Variants in NTRK3 observed in about 807,000 individuals in gnomAD.
The protein encoded by NTRK3 is neurotrophic receptor tyrosine kinase 3, also known as NT-3 growth factor receptor.
NTRK3 carries 24 observed loss-of-function variants against 91.7 expected under a neutral mutation model. The observed-to-expected ratio is 0.26, with a 90% confidence interval of 0.19 to 0.37. The LOEUF is 0.37. NTRK3 is among the 10% of genes least tolerant of loss of function. The probability of loss-of-function intolerance (pLI) is 1.00; values close to 1 mark genes in which losing one functional copy is unlikely to be tolerated. For missense variants in NTRK3, 880 were observed against 1,068.9 expected, an observed-to-expected ratio of 0.82 and a Z score of 2.46; for synonymous variants, 483 against 404.0, an observed-to-expected ratio of 1.20 and a Z score of -2.34.
chr15:87,909,083 G>T (rs755856274), intron 17 of NTRK3, among the ~76,000 whole-genome samples: 7 of 152,086 alleles, frequency 4.6e-5, no homozygotes, highest in Non-Finnish European at 1.0e-4. Context: ...ATTCACCACT[G>T]CTTTTAGGGC....
At position 87,974,524 on chromosome 15, in the gene NTRK3, C is replaced by T. The variant is rs148786658; in HGVS notation, c.1586-33771G>A. Among the ~76,000 whole-genome samples, 124 of 151,864 alleles carry T rather than the reference C, an allele frequency of 8.2e-4. 1 individual carries two copies. Among genetic ancestry groups the T allele is most frequent in the African/African-American group, 2.8e-3 (115 of 41,412 alleles). ...CAGGTTGGTCTCATCCTTTCTTCTA[C>T]CACCTTCCTATCTGAAGCTTCTCAC... On this transcript the variant is annotated intron_variant, in intron 14 of 18. Coordinates refer to ENST00000394480, the Ensembl canonical transcript of NTRK3.
intron 14 of NTRK3, among the ~76,000 whole-genome samples, chr15:87,988,737 C>A (rs889773420): frequency 6.6e-6 from 1 of 151,828 alleles, no homozygotes; most frequent in Non-Finnish European, 1.5e-5. Flanking sequence ...TTATGAATAC[C>A]CTTTGATGTT....
chr15:88,039,346 C>T (rs1409843164), intron 13 of NTRK3, among the ~76,000 whole-genome samples: 1 of 152,216 alleles, frequency 6.6e-6, no homozygotes, highest in Non-Finnish European at 1.5e-5. Context: ...CAGAGGTCTG[C>T]ACAGACTCTC....
At chr15:87,953,360 G>T (rs1247060650) in intron 14 of NTRK3, among the ~76,000 whole-genome samples, 1 of 152,216 alleles carries the variant, frequency 6.6e-6, no homozygotes, top group Non-Finnish European at 1.5e-5. Flanking sequence ...CACTTACATG[G>T]ATGGTGCTTT....
intron 3 of NTRK3, among the ~76,000 whole-genome samples, chr15:88,215,035 A>G (rs1316353636): frequency 6.6e-6 from 1 of 152,148 alleles, no homozygotes; most frequent in African/African-American, 2.4e-5. Flanking sequence ...AGATTCAGTG[A>G]TTTGCTCAAA....
At chr15:87,897,686 G>A (rs1212865163) in intron 17 of NTRK3, among the ~76,000 whole-genome samples, 1 of 152,124 alleles carries the variant, frequency 6.6e-6, no homozygotes, top group African/African-American at 2.4e-5. Flanking sequence ...ATCTGACCCT[G>A]CATAGCTCAG....
intron 13 of NTRK3, among the ~76,000 whole-genome samples, chr15:88,045,866 A>C (rs1163293571): frequency 1.3e-5 from 2 of 152,158 alleles, no homozygotes; most frequent in Non-Finnish European, 2.9e-5. Flanking sequence ...TCCTCTTTTT[A>C]TAAGGCCCTC....
At chr15:88,142,426 G>T (rs778643840) in intron 6 of NTRK3, among the ~76,000 whole-genome samples, 2 of 152,256 alleles carry the variant, frequency 1.3e-5, no homozygotes, top group Admixed American at 6.5e-5. Context: ...AGCCCCATCT[G>T]AGTTTGTAAG....
intron 13 of NTRK3, among the ~76,000 whole-genome samples, chr15:88,061,805 G>A (rs1379034691): frequency 6.6e-6 from 1 of 152,176 alleles, no homozygotes; most frequent in Non-Finnish European, 1.5e-5. Context: ...ATGCCAGTCT[G>A]TGGAGGCACT....
Position 87,868,198 on chromosome 15 carries a change from TATC to T in NTRK3, c.*8734_*8736del, listed in dbSNP as rs146135769. ...GCGCATATATGTACACACGAATAAG[TATC>T]ATAACATAAATAATTAAAAACGTGA... On this transcript the variant is annotated 3_prime_UTR_variant, in exon 19 of 19. Transcript: ENST00000394480. 2,034 of 230,760 alleles carry T rather than the reference TATC, an allele frequency of 8.8e-3. 9 individuals carry two copies. Among genetic ancestry groups the T allele is most frequent in the Non-Finnish European group, 0.014 (1,627 of 116,466 alleles). The allele number at this position is 230,760 out of a possible 1,614,324, so 14.3% of individuals were successfully genotyped here. A position where few individuals can be genotyped will look rare whatever the true frequency, so the allele number is the denominator to read the frequency against.
intron 13 of NTRK3, among the ~76,000 whole-genome samples, chr15:88,104,016 T>G (rs911456970): frequency 6.6e-6 from 1 of 152,230 alleles, no homozygotes; most frequent in African/African-American, 2.4e-5. Flanking sequence ...CTAGCATTCT[T>G]GCTATAAGGG....
chr15:87,927,786 GA>G (rs779881602), intron 17 of NTRK3: 4 of 152,088 alleles, frequency 2.6e-5, no homozygotes, highest in Non-Finnish European at 4.4e-5. Flanking sequence ...CTTGATCTTG[GA>G]ATTCCCATCC....
intron 5 of NTRK3, among the ~76,000 whole-genome samples, chr15:88,162,453 G>A (rs1459820131): frequency 1.3e-5 from 2 of 152,280 alleles, no homozygotes; most frequent in Non-Finnish European, 2.9e-5. Flanking sequence ...ATGAACGGGG[G>A]ATCAGCCAGC....
intron 14 of NTRK3, among the ~76,000 whole-genome samples, chr15:87,941,119 G>A (rs928256515): frequency 6.6e-6 from 1 of 152,090 alleles, no homozygotes; most frequent in Non-Finnish European, 1.5e-5. Context: ...TGGGAATCTT[G>A]TCAAAATGAA....
chr15:88,164,267 C>T (rs1355832979), intron 5 of NTRK3, among the ~76,000 whole-genome samples: 1 of 152,204 alleles, frequency 6.6e-6, no homozygotes, highest in African/African-American at 2.4e-5. Context: ...ACCCATGCCA[C>T]CTGGTCCAAG....
chr15:87,968,481 C>T (rs1447032152), intron 14 of NTRK3, among the ~76,000 whole-genome samples: 1 of 152,038 alleles, frequency 6.6e-6, no homozygotes, highest in African/African-American at 2.4e-5. Flanking sequence ...AGGAGTGTCA[C>T]TGTGACATTT....
At chr15:87,914,210 C>T (rs1418330925) in intron 17 of NTRK3, among the ~76,000 whole-genome samples, 3 of 152,172 alleles carry the variant, frequency 2.0e-5, no homozygotes, top group African/African-American at 7.2e-5. Flanking sequence ...GATGCTATGG[C>T]CTTTGAATAA....
At chr15:88,118,006 T>A (rs897051270) in intron 13 of NTRK3, among the ~76,000 whole-genome samples, 1 of 152,122 alleles carries the variant, frequency 6.6e-6, no homozygotes, top group East Asian at 1.9e-4. Context: ...TTATCCTCCA[T>A]GAGGAACCAC....
chr15:88,070,522 AT>A (rs1227530988), intron 13 of NTRK3, among the ~76,000 whole-genome samples: 1 of 152,168 alleles, frequency 6.6e-6, no homozygotes, highest in Non-Finnish European at 1.5e-5. Flanking sequence ...GCTTCCTTCA[AT>A]TAGAGAAGGT....
Sources: gnomAD v4.1 joint callset for allele counts (sites outside exome capture counted in the v4.1 genomes callset) on GRCh38, gnomAD v4.1.1 for gene constraint, MANE v1.5 for transcripts, NCBI Gene and HGNC (gene_info 2026-07-23, HGNC 2026-07-21) for gene names.